FBN1: variants seen among roughly 807,000 people sequenced by gnomAD.
The protein encoded by FBN1 is fibrillin 1, also known as fibrillin-1.
Under a neutral mutation model 365.1 loss-of-function variants are expected in FBN1, and 29 were observed. The observed-to-expected ratio is 0.08, with a 90% CI of 0.06 to 0.11. The LOEUF is 0.11. Among genes scored for constraint, FBN1 ranks in the 10% least tolerant of loss-of-function variants. FBN1 has a pLI of 1.00. For missense variants in FBN1, 2,476 were observed against 3,703.2 expected, an observed-to-expected ratio of 0.67 and a Z score of 8.60; for synonymous variants, 1,210 against 1,270.5, an observed-to-expected ratio of 0.95 and a Z score of 1.01.
At chr15:48,518,119 C>T (rs1235974997) in intron 10 of FBN1, among the ~76,000 whole-genome samples, 9 of 152,168 alleles carry the variant, frequency 5.9e-5, no homozygotes, top group Non-Finnish European at 8.8e-5. Flanking sequence ...GAGATACTGA[C>T]GTACTTGAAT....
intron 55 of FBN1, among the ~76,000 whole-genome samples, chr15:48,431,560 T>C (rs940142752): frequency 2.6e-5 from 4 of 151,994 alleles, no homozygotes; most frequent in Non-Finnish European, 5.9e-5. Context: ...AAGGCAATAA[T>C]TATAATAGTA....
In FBN1 at chr15:48,527,322, CCA is replaced by C. The variant is rs148895423; in HGVS notation, c.863-1069_863-1068del. Among the ~76,000 whole-genome samples the C allele has an allele frequency of 6.6e-3, 1,006 of 152,238 alleles. 15 individuals are homozygous for C. The highest frequency in any genetic ancestry group is 0.023 in the African/African-American group (958 of 41,534). Reference sequence around the variant, plus strand: ...AAGGAGAGGTTTTCAATAGCCTGACCCACACACTGACAAATGTCAACAGATAC... The same window carrying C: ...AAGGAGAGGTTTTCAATAGCCTGACCCACACTGACAAATGTCAACAGATAC... On this transcript the variant is annotated intron_variant, in intron 8 of 65. Transcript: ENST00000316623.
intron 3 of FBN1, among the ~76,000 whole-genome samples, chr15:48,611,712 G>A (rs1180692032): frequency 2.6e-5 from 4 of 152,170 alleles, no homozygotes; most frequent in Non-Finnish European, 4.4e-5. Context: ...ATACCACCCA[G>A]AGACTAATAT....
At chr15:48,459,004 T>C (rs2043261875) in intron 43 of FBN1, among the ~76,000 whole-genome samples, 1 of 152,224 alleles carries the variant, frequency 6.6e-6, no homozygotes, top group South Asian at 2.1e-4. Flanking sequence ...TGTTATTAAT[T>C]AGCTGGGTGG....
intron 6 of FBN1, among the ~76,000 whole-genome samples, chr15:48,551,868 T>C (rs1349305815): frequency 1.3e-5 from 2 of 152,226 alleles, no homozygotes; most frequent in East Asian, 1.9e-4. Context: ...TAGTATTCCA[T>C]GGTGTATATG....
chr15:48,580,049 A>T (rs1049257320), intron 6 of FBN1, among the ~76,000 whole-genome samples: 5 of 152,190 alleles, frequency 3.3e-5, no homozygotes, highest in Non-Finnish European at 7.4e-5. Context: ...AAGTTAAAAA[A>T]AGCTTGAAAT....
intron 32 of FBN1, among the ~76,000 whole-genome samples, chr15:48,478,352 T>C (rs150339250): frequency 1.1e-4 from 17 of 152,310 alleles, no homozygotes; most frequent in African/African-American, 4.1e-4. Context: ...TTCTCTCCTA[T>C]GAACCAAGAT....
At chr15:48,567,244 C>T (rs2044264318) in intron 6 of FBN1, among the ~76,000 whole-genome samples, 1 of 152,108 alleles carries the variant, frequency 6.6e-6, no homozygotes, top group Admixed American at 6.5e-5. Context: ...TTAATATAGG[C>T]TGAATATAAT....
At chr15:48,594,874 T>C (rs2044505044) in intron 6 of FBN1, among the ~76,000 whole-genome samples, 1 of 152,198 alleles carries the variant, frequency 6.6e-6, no homozygotes, top group Admixed American at 6.5e-5. Context: ...ACAATTTTAA[T>C]CTCCTACAAC....
At chr15:48,550,482 T>C (rs1220427608) in intron 6 of FBN1, among the ~76,000 whole-genome samples, 1 of 152,158 alleles carries the variant, frequency 6.6e-6, no homozygotes, top group Non-Finnish European at 1.5e-5. Flanking sequence ...GCTTCTTTAT[T>C]GCCCCTCCTC....
chr15:48,567,361 T>C (rs554610803), intron 6 of FBN1, among the ~76,000 whole-genome samples: 11 of 152,328 alleles, frequency 7.2e-5, no homozygotes, highest in Admixed American at 2.0e-4. Flanking sequence ...GATTTTTAAA[T>C]GAAATTTCAT....
intron 6 of FBN1, among the ~76,000 whole-genome samples, chr15:48,585,334 T>C (rs1047711837): frequency 1.3e-5 from 2 of 152,238 alleles, no homozygotes; most frequent in African/African-American, 4.8e-5. Flanking sequence ...TGTTTACTTA[T>C]AAAGCTCTTC....
intron 6 of FBN1, among the ~76,000 whole-genome samples, chr15:48,586,065 C>A (rs527941422): frequency 6.6e-6 from 1 of 152,306 alleles, no homozygotes; most frequent in Admixed American, 6.5e-5. Flanking sequence ...TATGCTCATT[C>A]TTTACCTCTT....
chr15:48,491,580 T>C (rs1484633871), intron 24 of FBN1, among the ~76,000 whole-genome samples: 1 of 152,224 alleles, frequency 6.6e-6, no homozygotes, highest in African/African-American at 2.4e-5. Context: ...CTCGATCTCC[T>C]GACCTCGTGA....
intron 63 of FBN1, among the ~76,000 whole-genome samples, 187 bp from the exon 64 acceptor site, chr15:48,415,954 G>A (rs1303064398): frequency 6.6e-6 from 1 of 152,168 alleles, no homozygotes; most frequent in East Asian, 1.9e-4. Flanking sequence ...GTGGCTTCTT[G>A]CTATGTTGTG....
At chr15:48,508,466 CA>C (rs1251795645) in intron 15 of FBN1, 115 bp downstream of exon 15, 70 of 1,455,660 alleles carry the variant, frequency 4.8e-5, no homozygotes, top group Non-Finnish European at 6.5e-5. Context: ...TTTCCCAAAC[CA>C]AAATTCAAGG....
At chr15:48,462,097 A>G (rs2043283671) in intron 42 of FBN1, among the ~76,000 whole-genome samples, 2 of 152,218 alleles carry the variant, frequency 1.3e-5, no homozygotes, top group Admixed American at 1.3e-4. Flanking sequence ...TTTTACTAAA[A>G]AACAATTTTC....
intron 43 of FBN1, among the ~76,000 whole-genome samples, chr15:48,457,999 C>A (rs2043253628): frequency 6.6e-6 from 1 of 152,176 alleles, no homozygotes; most frequent in South Asian, 2.1e-4. Context: ...GAACTGTCAT[C>A]AACACTTTTG....
chr15:48,435,738 G>GTGTGTATATATA (rs56871954), intron 53 of FBN1, among the ~76,000 whole-genome samples: 65,646 of 99,990 alleles, frequency 0.66, 21,587 homozygotes, highest in Middle Eastern at 0.72. Flanking sequence ...GTATATATAT[G>GTGTGTATATATA]TGTGTATATA....
Sources: allele counts gnomAD v4.1 joint callset (sites outside exome capture counted in the v4.1 genomes callset), GRCh38; gene constraint gnomAD v4.1.1; transcripts MANE v1.5; gene names NCBI Gene and HGNC (gene_info 2026-07-23, HGNC 2026-07-21).